ERP44: variants seen among roughly 807,000 people sequenced by gnomAD.
The protein encoded by ERP44 is endoplasmic reticulum resident protein 44.
In ERP44, 25 loss-of-function variants were observed where a neutral mutation model predicts 53.4. That is an observed-to-expected ratio of 0.47 (90% CI 0.34 to 0.65). The LOEUF is 0.65. ERP44 is among the 30% of genes least tolerant of loss of function. The pLI is 0.01. For synonymous variants in ERP44, 145 were observed against 161.2 expected (o/e 0.90, Z 0.76); for missense variants, 338 against 493.2 (o/e 0.69, Z 2.98).
Position 99,979,563 on chromosome 9 carries a change from A to G in ERP44, c.*3049T>C, listed in dbSNP as rs57875316. The G allele has an allele frequency of 0.18, 30,221 of 164,850 alleles. 4,452 individuals are homozygous for G. The highest frequency in any genetic ancestry group is 0.42 in the African/African-American group (17,585 of 42,046). 10.2% of individuals were successfully genotyped at this position (164,850 alleles called of 1,614,324 possible). A position where few individuals can be genotyped will look rare whatever the true frequency, so the allele number is the denominator to read the frequency against. On this transcript the variant is annotated 3_prime_UTR_variant, in exon 12 of 12. Coordinates refer to ENST00000262455, the MANE Select transcript of ERP44 (RefSeq NM_015051.3). ...AGGTTCTTTTAATTTAAAGAAAAAA[A>G]TAATTTGTAGAATGTCATCTAAAAG... is the stretch of plus-strand genomic sequence containing the variant.
intron 1 of ERP44, among the ~76,000 whole-genome samples, chr9:100,073,261 A>G (rs1296889128): frequency 6.6e-6 from 1 of 152,220 alleles, no homozygotes; most frequent in Non-Finnish European, 1.5e-5. Flanking sequence ...GTAATGCATG[A>G]TCAAGTTTTT....
intron 1 of ERP44, among the ~76,000 whole-genome samples, chr9:100,077,973 C>G (rs906331361): frequency 1.3e-5 from 2 of 152,058 alleles, no homozygotes; most frequent in Non-Finnish European, 2.9e-5. Context: ...ACACAACCAC[C>G]AGGAAAAAAA....
At position 99,979,882 on chromosome 9, in the gene ERP44, C is replaced by T. The variant is rs141238103; in HGVS notation, c.*2730G>A. ...TAAAGTGAACATACTTCCTTGCTTG[C>T]AATCTGTTGATGGATCTCTTCTGCC... On this transcript the variant is annotated 3_prime_UTR_variant, in exon 12 of 12. Coordinates refer to ENST00000262455, the MANE Select transcript of ERP44 (RefSeq NM_015051.3). The T allele has an allele frequency of 3.0e-5, 12 of 398,286 alleles. No individual in the cohort carries two copies. The highest frequency in any genetic ancestry group is 2.1e-4 in the African/African-American group (10 of 48,736). The allele number at this position is 398,286 out of a possible 1,614,324, so 24.7% of individuals were successfully genotyped here.
Position 100,098,159 on chromosome 9 carries a change from A to G in ERP44, c.57+625T>C, listed in dbSNP as rs75653998. Among the ~76,000 whole-genome samples the G allele has an allele frequency of 3.7e-4, 57 of 152,306 alleles. No individual in the cohort carries two copies. In the East Asian group the frequency reaches 8.3e-3, roughly 22 times the overall value. ...ATATTCAAATAAGGCGCAATGAAGAAGAAATCTGCTTCCATGGGGAAATAC... is the reference window on the plus strand; with the variant it reads ...ATATTCAAATAAGGCGCAATGAAGAGGAAATCTGCTTCCATGGGGAAATAC... On this transcript the variant is annotated intron_variant, in intron 1 of 11. Coordinates refer to ENST00000262455, the MANE Select transcript of ERP44 (RefSeq NM_015051.3).
chr9:100,075,257 C>T (rs1436762267), intron 1 of ERP44, among the ~76,000 whole-genome samples: 1 of 152,212 alleles, frequency 6.6e-6, no homozygotes, highest in Non-Finnish European at 1.5e-5. Flanking sequence ...GCAGCTGTAC[C>T]AGATGTGGTT....
intron 2 of ERP44, among the ~76,000 whole-genome samples, chr9:100,058,730 G>A (rs762200148): frequency 4.6e-5 from 7 of 152,180 alleles, no homozygotes; most frequent in Non-Finnish European, 1.0e-4. Context: ...TGAGAAAGAT[G>A]TAGTGCTTTT....
At chr9:100,020,527 A>G in intron 6 of ERP44, 89 bp downstream of exon 6, 1 of 683,540 alleles carries the variant, frequency 1.5e-6, no homozygotes, top group South Asian at 1.7e-5. Flanking sequence ...ATTTTTGGAA[A>G]GATCATCTTC....
intron 8 of ERP44, among the ~76,000 whole-genome samples, chr9:100,014,075 G>A (rs567022473): frequency 6.6e-6 from 1 of 152,276 alleles, no homozygotes; most frequent in East Asian, 1.9e-4. Flanking sequence ...AACAGGAAAA[G>A]CTTCCTATAG....
At chr9:100,025,711 T>C (rs1432458051) in intron 4 of ERP44, among the ~76,000 whole-genome samples, 3 of 152,164 alleles carry the variant, frequency 2.0e-5, no homozygotes, top group African/African-American at 7.2e-5. Context: ...ACAGCTTTCA[T>C]GCTGAGATCA....
intron 8 of ERP44, among the ~76,000 whole-genome samples, chr9:100,012,582 G>C (rs1405702135): frequency 6.6e-6 from 1 of 152,038 alleles, no homozygotes; most frequent in Non-Finnish European, 1.5e-5. Flanking sequence ...ATTTGAAATT[G>C]CTACAAGCTT....
chr9:100,055,419 C>G (rs1311189210), intron 3 of ERP44, among the ~76,000 whole-genome samples: 2 of 152,206 alleles, frequency 1.3e-5, no homozygotes, highest in East Asian at 1.9e-4. Context: ...GTCACTCAGG[C>G]TGGAGTGCAA....
In ERP44 at chr9:99,982,700, A is replaced by G. The variant is rs1346222937; in HGVS notation, c.1133T>C (p.Val378Ala). Residue 378 changes from valine (V) to alanine (A), a missense_variant, in exon 12 of 12, where the codon GTA becomes GCA. Physicochemically the swap from Val to Ala is moderately conservative, Grantham distance 64. Around this residue, in one of 3 missense-constraint regions of ERP44, gnomAD observed 113 missense variants for 172.6 expected, o/e 0.65. Transcript: ENST00000262455. Reference sequence around the variant, plus strand: ...GGAGCTCTCAGGTGGACTGCTTGCTACATCTTGGGCTTGCTACAAAAGAAA... The same window carrying G: ...GGAGCTCTCAGGTGGACTGCTTGCTGCATCTTGGGCTTGCTACAAAAGAAA... ...DTAPGEQAQD[V>A]ASSPPESSFQ... is the part of the protein sequence containing the mutation. 1.2e-6 allele frequency: 2 copies of G among 1,606,604 alleles called. No homozygotes were observed. The highest frequency in any genetic ancestry group is 1.3e-5 in the African/African-American group (1 of 74,610).
chr9:100,043,092 T>C (rs1432384076), intron 4 of ERP44, among the ~76,000 whole-genome samples: 1 of 151,180 alleles, frequency 6.6e-6, no homozygotes, highest in East Asian at 2.0e-4. Flanking sequence ...ACCCAGTCTC[T>C]ACTAAAAATA....
At chr9:99,982,952 T>C (rs997120948) in intron 11 of ERP44, among the ~76,000 whole-genome samples, 3 of 152,106 alleles carry the variant, frequency 2.0e-5, no homozygotes, top group African/African-American at 7.2e-5. Context: ...TGGGCTTGTT[T>C]TACATTTGCT....
At chr9:100,029,807 G>C (rs904195268) in intron 4 of ERP44, among the ~76,000 whole-genome samples, 15 of 152,252 alleles carry the variant, frequency 9.9e-5, no homozygotes, top group African/African-American at 3.6e-4. Context: ...AGAAAATGTG[G>C]GGCCGGGTGC....
intron 10 of ERP44, among the ~76,000 whole-genome samples, chr9:100,003,956 G>A (rs1247534520): frequency 6.6e-6 from 1 of 152,222 alleles, no homozygotes; most frequent in Non-Finnish European, 1.5e-5. Context: ...CCTAGATCTT[G>A]GGTCCTTGGA....
intron 4 of ERP44, among the ~76,000 whole-genome samples, chr9:100,023,067 T>C (rs1830611503): frequency 6.6e-6 from 1 of 152,212 alleles, no homozygotes; most frequent in Admixed American, 6.5e-5. Flanking sequence ...TTTTAATTTA[T>C]ACATAATTAA....
intron 8 of ERP44, 29 bp from the exon 9 acceptor site, chr9:100,007,718 A>C: frequency 8.7e-7 from 1 of 1,146,996 alleles, no homozygotes. Flanking sequence ...AATGAGAATT[A>C]TCAGGCTTCT....
At chr9:100,043,258 CAAAAAAAAAAAAAAAAA>C (rs56066117) in intron 4 of ERP44, among the ~76,000 whole-genome samples, 8 of 20,274 alleles carry the variant, frequency 3.9e-4, no homozygotes, top group Admixed American at 1.2e-3. Context: ...GACTCTGTCT[CAAAAAAAAAAAAAAAAA>C]AAAAAAAAAA....
Sources: allele counts gnomAD v4.1 joint callset (sites outside exome capture counted in the v4.1 genomes callset), GRCh38; gene constraint gnomAD v4.1.1; regional missense constraint gnomAD v4.1.1; transcripts MANE v1.5; gene names NCBI Gene and HGNC (gene_info 2026-07-23, HGNC 2026-07-21).